Variants in PDE1C observed in about 807,000 individuals in gnomAD.
PDE1C encodes phosphodiesterase 1C.
PDE1C carries 62 observed loss-of-function variants against 93.1 expected under a neutral mutation model. That is an observed-to-expected ratio of 0.67 (90% CI 0.54 to 0.82). PDE1C has a LOEUF of 0.82. Ranked by LOEUF, PDE1C falls within the 40% of genes least tolerant of loss-of-function variation. The probability of loss-of-function intolerance (pLI) is 0.00; values close to 1 mark genes in which losing one functional copy is unlikely to be tolerated. For missense variants in PDE1C, 742 were observed against 884.6 expected (o/e 0.84, Z 2.04); for synonymous variants, 325 against 310.1 (o/e 1.05, Z -0.50).
At chr7:32,240,221 A>C (rs1224830438) in intron 1 of PDE1C, among the ~76,000 whole-genome samples, 2 of 152,216 alleles carry the variant, frequency 1.3e-5, no homozygotes, top group Non-Finnish European at 2.9e-5. Context: ...TACTTTGTGG[A>C]TATAAAATAT....
intron 1 of PDE1C, among the ~76,000 whole-genome samples, chr7:32,383,421 T>C (rs1225616555): frequency 6.6e-6 from 1 of 152,176 alleles, no homozygotes; most frequent in African/African-American, 2.4e-5. Context: ...CTGAGCCTTG[T>C]TGAGAAGAAA....
At chr7:31,769,683 C>G (rs1795357109) in intron 17 of PDE1C, among the ~76,000 whole-genome samples, 1 of 152,136 alleles carries the variant, frequency 6.6e-6, no homozygotes, top group South Asian at 2.1e-4. Flanking sequence ...TAATGTTTCA[C>G]AACCATCACC....
chr7:31,949,702 G>A (rs912176907), intron 2 of PDE1C, among the ~76,000 whole-genome samples: 8 of 152,084 alleles, frequency 5.3e-5, no homozygotes, highest in Non-Finnish European at 4.4e-5. Flanking sequence ...GAGAGCTTTT[G>A]AATGTTTTAC....
chr7:31,681,750 G>C, the PDE1C span, among the ~76,000 whole-genome samples: 20 of 152,144 alleles, frequency 1.3e-4, no homozygotes, highest in Non-Finnish European at 2.6e-4. Flanking sequence ...CATGCAAGAA[G>C]ACCTCCCTTT....
the PDE1C span, among the ~76,000 whole-genome samples, chr7:31,686,295 G>A: frequency 6.6e-6 from 1 of 152,088 alleles, no homozygotes; most frequent in African/African-American, 2.4e-5. Context: ...AACCCCAGTG[G>A]GCTCTCCTCC....
intron 1 of PDE1C, among the ~76,000 whole-genome samples, chr7:32,067,504 T>C (rs1490522133): frequency 1.3e-5 from 2 of 152,178 alleles, no homozygotes; most frequent in Non-Finnish European, 2.9e-5. Context: ...CCCTGCAATA[T>C]ACTTGGCTGT....
the PDE1C span, among the ~76,000 whole-genome samples, chr7:31,625,959 G>A: frequency 6.6e-6 from 1 of 151,976 alleles, no homozygotes; most frequent in African/African-American, 2.4e-5. Context: ...CAGATAATTT[G>A]GTGATAATAA....
chr7:31,810,794 T>C (rs1323531530), intron 15 of PDE1C, among the ~76,000 whole-genome samples: 2 of 152,134 alleles, frequency 1.3e-5, no homozygotes, highest in East Asian at 3.9e-4. Context: ...GAAGTTCAAG[T>C]TTTAGATTTC....
At chr7:31,769,312 A>T (rs1364902299) in intron 17 of PDE1C, among the ~76,000 whole-genome samples, 1 of 152,168 alleles carries the variant, frequency 6.6e-6, no homozygotes, top group Non-Finnish European at 1.5e-5. Context: ...GATTACTTGC[A>T]ACTTCCCTGC....
At chr7:32,361,014 T>C (rs545817918) in intron 1 of PDE1C, among the ~76,000 whole-genome samples, 1 of 152,230 alleles carries the variant, frequency 6.6e-6, no homozygotes, top group Non-Finnish European at 1.5e-5. Flanking sequence ...CTCTATCCTA[T>C]TTTACAGGCA....
intron 1 of PDE1C, among the ~76,000 whole-genome samples, chr7:32,214,354 A>G (rs1806271265): frequency 1.3e-5 from 2 of 152,218 alleles, no homozygotes; most frequent in South Asian, 4.1e-4. Context: ...CCCTCTCTCC[A>G]GGGATCCCAC....
chr7:31,720,459 T>A, the PDE1C span, among the ~76,000 whole-genome samples: 2 of 152,172 alleles, frequency 1.3e-5, no homozygotes, highest in African/African-American at 2.4e-5. Context: ...TCGAGTGGGA[T>A]GAGGGTTTTC....
At chr7:31,684,559 C>T in the PDE1C span, among the ~76,000 whole-genome samples, 69 of 151,722 alleles carry the variant, frequency 4.5e-4, 1 homozygote, top group South Asian at 0.012. Flanking sequence ...GGATCCAGTT[C>T]AAAACTCAAC....
the PDE1C span, among the ~76,000 whole-genome samples, chr7:31,711,768 T>C: frequency 1.3e-5 from 2 of 152,162 alleles, no homozygotes; most frequent in Non-Finnish European, 2.9e-5. Flanking sequence ...ATTCTCTACA[T>C]TGAAATTAAA....
chr7:32,279,949 T>A (rs948386727), intron 1 of PDE1C, among the ~76,000 whole-genome samples: 4 of 152,210 alleles, frequency 2.6e-5, no homozygotes, highest in Non-Finnish European at 5.9e-5. Context: ...AAGGTGACCA[T>A]GACATATTTG....
intron 2 of PDE1C, chr7:32,170,105 G>A: frequency 1.4e-6 from 1 of 692,404 alleles, no homozygotes; most frequent in Non-Finnish European, 2.4e-6. Context: ...TTGTAACCAG[G>A]AATTTTTACA....
intron 3 of PDE1C, among the ~76,000 whole-genome samples, chr7:32,124,710 A>T (rs1037468594): frequency 1.3e-5 from 2 of 152,206 alleles, no homozygotes; most frequent in Admixed American, 6.5e-5. Context: ...CTTACACCGT[A>T]TTCAAAAATT....
chr7:31,756,895 G>A (rs915941042), intron 17 of PDE1C, among the ~76,000 whole-genome samples: 1 of 152,196 alleles, frequency 6.6e-6, no homozygotes, highest in African/African-American at 2.4e-5. Flanking sequence ...CACTGAAAAA[G>A]CCAGTGCAGG....
At chr7:31,921,600 G>A (rs1348853599) in intron 2 of PDE1C, among the ~76,000 whole-genome samples, 1 of 152,144 alleles carries the variant, frequency 6.6e-6, no homozygotes, top group Non-Finnish European at 1.5e-5. Context: ...ATCTCCTGCT[G>A]AAAATAACCA....
Sources: allele counts gnomAD v4.1 joint callset (sites outside exome capture counted in the v4.1 genomes callset), GRCh38; gene constraint gnomAD v4.1.1; transcripts MANE v1.5; gene names NCBI Gene and HGNC (gene_info 2026-07-23, HGNC 2026-07-21).